The following SLC8A1 variants were observed in gnomAD, a reference collection of about 807,000 sequenced individuals.
SLC8A1 encodes sodium/calcium exchanger 1.
Under a neutral mutation model 68.3 loss-of-function variants are expected in SLC8A1, and 18 were observed. The observed-to-expected ratio is 0.26, with a 90% CI of 0.18 to 0.39. SLC8A1 has a LOEUF of 0.39. SLC8A1 is among the 10% of genes least tolerant of loss of function. The pLI, the probability that SLC8A1 is intolerant of heterozygous loss-of-function variation, is 1.00. For synonymous variants in SLC8A1, 475 were observed against 415.5 expected (o/e 1.14, Z -1.74); for missense variants, 985 against 1,156.7 (o/e 0.85, Z 2.15).
chr2:40,196,995 T>G (rs114407151), intron 2 of SLC8A1, among the ~76,000 whole-genome samples: 1 of 152,060 alleles, frequency 6.6e-6, no homozygotes, highest in Non-Finnish European at 1.5e-5. Context: ...TTCTTTATGG[T>G]AGATCGATTT....
At chr2:40,499,933 C>G (rs1287445748) in intron 1 of SLC8A1, among the ~76,000 whole-genome samples, 1 of 151,974 alleles carries the variant, frequency 6.6e-6, no homozygotes, top group Non-Finnish European at 1.5e-5. Flanking sequence ...GAGCCACAAG[C>G]ACAAAGCAAA....
chr2:40,410,631 T>C (rs565195453), intron 2 of SLC8A1, among the ~76,000 whole-genome samples: 51 of 152,252 alleles, frequency 3.3e-4, no homozygotes, highest in African/African-American at 1.2e-3. Context: ...TTTTGAAGTA[T>C]ATGTACACTA....
chr2:40,188,488 C>T (rs972807300), intron 2 of SLC8A1, among the ~76,000 whole-genome samples: 1 of 152,224 alleles, frequency 6.6e-6, no homozygotes, highest in Admixed American at 6.5e-5. Flanking sequence ...GGTTGCCCAA[C>T]CTTTTCAAAA....
chr2:40,484,669 ATC>A (rs1704843332), intron 1 of SLC8A1, among the ~76,000 whole-genome samples: 1 of 152,220 alleles, frequency 6.6e-6, no homozygotes, highest in African/African-American at 2.4e-5. Flanking sequence ...GGTTGGTACT[ATC>A]AGCTGAGTTA....
rs1209957405 is a variant in SLC8A1 at position 40,344,790 on chromosome 2, C to G, written c.1808+83683G>C. 2.0e-5 allele frequency among the ~76,000 whole-genome samples: 3 copies of G among 152,164 alleles called. No homozygotes were observed. The East Asian group carries it at 5.8e-4, about 29-fold the overall frequency. On this transcript the variant is annotated intron_variant, in intron 2 of 7. Transcript: ENST00000406785. ...AATTGACATTAGGTCCTGTACCTAG[C>G]AGCATCTGAATTCCCAGACTAATCT... is the stretch of plus-strand genomic sequence containing the variant.
chr2:40,481,694 C>T (rs902831446), intron 1 of SLC8A1, among the ~76,000 whole-genome samples: 15 of 152,124 alleles, frequency 9.9e-5, no homozygotes, highest in African/African-American at 2.2e-4. Context: ...AATACACCAA[C>T]GGAAAAGTAA....
chr2:40,416,172 T>C (rs1693820525), intron 2 of SLC8A1, among the ~76,000 whole-genome samples: 1 of 151,874 alleles, frequency 6.6e-6, no homozygotes, highest in African/African-American at 2.4e-5. Flanking sequence ...TAATTATTAA[T>C]AGTGCCCTCT....
intron 2 of SLC8A1, among the ~76,000 whole-genome samples, chr2:40,191,527 C>T (rs1280814074): frequency 1.3e-5 from 2 of 152,146 alleles, no homozygotes; most frequent in African/African-American, 4.8e-5. Flanking sequence ...ATGTGTTTTG[C>T]TTTCTTTCCC....
chr2:40,215,793 T>C (rs1474382883), intron 2 of SLC8A1, among the ~76,000 whole-genome samples: 6 of 152,120 alleles, frequency 3.9e-5, no homozygotes, highest in Non-Finnish European at 7.4e-5. Flanking sequence ...GCTTGGCCTA[T>C]GTTAGCTACT....
chr2:40,436,623 A>T (rs906968932), intron 1 of SLC8A1, among the ~76,000 whole-genome samples: 7 of 152,136 alleles, frequency 4.6e-5, no homozygotes, highest in Non-Finnish European at 8.8e-5. Context: ...ATACTCAAGG[A>T]AGTACATCTT....
chr2:40,415,218 G>A (rs1031396235), intron 2 of SLC8A1, among the ~76,000 whole-genome samples: 1 of 152,160 alleles, frequency 6.6e-6, no homozygotes. Context: ...GGCTGGAGAG[G>A]TGGTGATGTT....
chr2:40,491,805 C>G (rs1184923976), intron 1 of SLC8A1, among the ~76,000 whole-genome samples: 3 of 151,976 alleles, frequency 2.0e-5, no homozygotes, highest in African/African-American at 7.2e-5. Context: ...TATATTGAAC[C>G]AGCCTTGCAT....
intron 2 of SLC8A1, among the ~76,000 whole-genome samples, chr2:40,383,307 A>C (rs1276313288): frequency 1.3e-5 from 2 of 152,078 alleles, no homozygotes; most frequent in African/African-American, 2.4e-5. Context: ...AATTTGATAT[A>C]TGTTTTTTGT....
At chr2:40,443,753 C>T (rs1700939221) in intron 1 of SLC8A1, among the ~76,000 whole-genome samples, 1 of 152,102 alleles carries the variant, frequency 6.6e-6, no homozygotes, top group Non-Finnish European at 1.5e-5. Context: ...AGTCATTTTC[C>T]CTCTCTTAGT....
intron 1 of SLC8A1, among the ~76,000 whole-genome samples, chr2:40,462,001 C>CTTGTTTTTTTTTTTTT (rs1703367849): frequency 1.5e-5 from 1 of 66,176 alleles, no homozygotes; most frequent in Non-Finnish European, 2.9e-5. Flanking sequence ...TAAAATCCTC[C>CTTGTTTTTTTTTTTTT]TTTTTTTTTT....
chr2:40,261,779 A>G (rs1044513842), intron 2 of SLC8A1, among the ~76,000 whole-genome samples: 1 of 152,146 alleles, frequency 6.6e-6, no homozygotes, highest in Non-Finnish European at 1.5e-5. Flanking sequence ...AGTAAGTGTG[A>G]ACATTTTCCT....
At chr2:40,303,291 A>G (rs2071886348) in intron 2 of SLC8A1, among the ~76,000 whole-genome samples, 1 of 152,228 alleles carries the variant, frequency 6.6e-6, no homozygotes, top group African/African-American at 2.4e-5. Flanking sequence ...TTTTACTTCA[A>G]GAGTTATTAC....
intron 2 of SLC8A1, among the ~76,000 whole-genome samples, chr2:40,324,671 C>G (rs918212348): frequency 9.9e-5 from 15 of 151,968 alleles, no homozygotes; most frequent in Admixed American, 9.2e-4. Context: ...CTTCCTTTCC[C>G]TTCCCTTCCT....
chr2:40,500,627 T>A (rs1440738599), intron 1 of SLC8A1, among the ~76,000 whole-genome samples: 1 of 151,988 alleles, frequency 6.6e-6, no homozygotes, highest in African/African-American at 2.4e-5. Flanking sequence ...GAAAAGAGGC[T>A]TTTAATTAGG....
Sources: allele counts gnomAD v4.1 joint callset (sites outside exome capture counted in the v4.1 genomes callset), GRCh38; gene constraint gnomAD v4.1.1; transcripts MANE v1.5; gene names NCBI Gene and HGNC (gene_info 2026-07-23, HGNC 2026-07-21).